Variants in SYT16 observed in about 807,000 individuals in gnomAD.
SYT16 encodes the protein synaptotagmin-16.
A neutral mutation model predicts 61.4 loss-of-function variants in SYT16; 42 were observed. That is an observed-to-expected ratio of 0.68 (90% CI 0.53 to 0.89). The LOEUF is 0.89. Among genes scored for constraint, SYT16 ranks in the 40% least tolerant of loss-of-function variants. The pLI is 0.00. For missense variants in SYT16, 804 were observed against 807.3 expected, an observed-to-expected ratio of 1.00 and a Z score of 0.05; for synonymous variants, 314 against 302.3, an observed-to-expected ratio of 1.04 and a Z score of -0.40.
At chr14:62,033,936 GGA>G (rs1555373461) in intron 3 of SYT16, among the ~76,000 whole-genome samples, 6 of 151,776 alleles carry the variant, frequency 4.0e-5, no homozygotes, top group Non-Finnish European at 8.8e-5. Flanking sequence ...AAAGAATGAG[GGA>G]AAGCACTTGC....
chr14:61,857,155 G>A (rs1481123736), intron 1 of SYT16, among the ~76,000 whole-genome samples: 1 of 152,200 alleles, frequency 6.6e-6, no homozygotes, highest in South Asian at 2.1e-4. Flanking sequence ...TGTGGGGTCA[G>A]CTCCACTGAG....
intron 1 of SYT16, among the ~76,000 whole-genome samples, chr14:61,845,594 G>C (rs2046423818): frequency 6.6e-6 from 1 of 151,934 alleles, no homozygotes; most frequent in Admixed American, 6.6e-5. Context: ...TTTTTTCTTA[G>C]TCTGGCTAAA....
chr14:61,961,469 G>A (rs1372517899), intron 1 of SYT16, among the ~76,000 whole-genome samples: 3 of 152,118 alleles, frequency 2.0e-5, no homozygotes, highest in African/African-American at 7.2e-5. Flanking sequence ...TACATGAACA[G>A]ACACTTTTCA....
At chr14:62,026,614 A>G (rs989022698) in intron 3 of SYT16, among the ~76,000 whole-genome samples, 1 of 152,226 alleles carries the variant, frequency 6.6e-6, no homozygotes, top group African/African-American at 2.4e-5. Flanking sequence ...AAGGAGACAC[A>G]GTCAAACCAT....
chr14:62,056,046 C>A (rs1165149901), intron 3 of SYT16, among the ~76,000 whole-genome samples: 1 of 150,766 alleles, frequency 6.6e-6, no homozygotes, highest in Non-Finnish European at 1.5e-5. Flanking sequence ...TTTCCACGTT[C>A]TTCTCCCTGC....
At chr14:62,075,612 A>C (rs1267934641) in intron 5 of SYT16, among the ~76,000 whole-genome samples, 1 of 114,348 alleles carries the variant, frequency 8.7e-6, no homozygotes, top group Non-Finnish European at 1.8e-5. Context: ...GGTAAAAAAA[A>C]AAAAAAAGAA....
At chr14:61,871,815 C>T (rs529768349) in intron 1 of SYT16, among the ~76,000 whole-genome samples, 29 of 152,148 alleles carry the variant, frequency 1.9e-4, no homozygotes, top group African/African-American at 6.5e-4. Flanking sequence ...AAAGTGTTGT[C>T]ATAGCACATT....
At position 61,816,884 on chromosome 14, in the gene SYT16, G is replaced by A. The variant is rs217662; in HGVS notation, c.-325+4074G>A. ...AAATTAGCCGGGCGTGGTGGCGGGC[G>A]CTTGTAGTCCCATCTACTCGGGAGG... On this transcript the variant is annotated intron_variant, in intron 1 of 7. Coordinates refer to ENST00000683842, the MANE Select transcript of SYT16 (RefSeq NM_001367656.1). Among the ~76,000 whole-genome samples the A allele has an allele frequency of 4.0e-3, 610 of 151,858 alleles. 2 individuals carry two copies. The highest frequency in any genetic ancestry group is 0.014 in the African/African-American group (580 of 41,410).
At chr14:61,849,129 G>A (rs2046532760) in intron 1 of SYT16, among the ~76,000 whole-genome samples, 2 of 152,150 alleles carry the variant, frequency 1.3e-5, no homozygotes, top group Admixed American at 1.3e-4. Context: ...CTAGAATGGG[G>A]GGCCTCCGGA....
At chr14:62,091,132 G>A (rs938714199) in intron 7 of SYT16, among the ~76,000 whole-genome samples, 2 of 152,056 alleles carry the variant, frequency 1.3e-5, no homozygotes, top group Non-Finnish European at 2.9e-5. Context: ...AAAAAACCCA[G>A]TTACCTATAG....
rs545967372 is a variant in SYT16 at position 61,961,525 on chromosome 14, T to A, written c.-324-8607T>A. ...CAAGTAAGTGAAAAAATGCTCAATG[T>A]CACTAATCATTATATAAATGCAAAT... On this transcript the variant is annotated intron_variant, in intron 1 of 7. Transcript: ENST00000683842. Among the ~76,000 whole-genome samples the A allele has an allele frequency of 2.0e-5, 3 of 152,306 alleles. No individual in the cohort carries two copies. The South Asian group carries it at 6.2e-4, about 32-fold the overall frequency.
intron 3 of SYT16, among the ~76,000 whole-genome samples, chr14:62,002,151 A>G (rs2053043399): frequency 6.6e-6 from 1 of 152,106 alleles, no homozygotes; most frequent in Admixed American, 6.6e-5. Flanking sequence ...CTGAAAATAG[A>G]ACATTATATG....
chr14:61,968,211 G>C (rs2051397141), intron 1 of SYT16, among the ~76,000 whole-genome samples: 1 of 152,104 alleles, frequency 6.6e-6, no homozygotes, highest in South Asian at 2.1e-4. Flanking sequence ...CAGTGAGCCA[G>C]GATCGCGCCA....
chr14:62,053,447 G>T (rs1415321435), intron 3 of SYT16, among the ~76,000 whole-genome samples: 1 of 152,156 alleles, frequency 6.6e-6, no homozygotes, highest in Non-Finnish European at 1.5e-5. Context: ...TGGGTTTCCA[G>T]CATGCTGACT....
chr14:61,893,992 A>T lies in SYT16; in HGVS notation c.-324-76140A>T, dbSNP rs554584652. On this transcript the variant is annotated intron_variant, in intron 1 of 7. Coordinates refer to ENST00000683842, the MANE Select transcript of SYT16 (RefSeq NM_001367656.1). ...CTCAGTTCTACCCCACAGCTCAGGAAAAAAAGGCCTGGCTGGCATGGTGGC... is the reference window on the plus strand; with the variant it reads ...CTCAGTTCTACCCCACAGCTCAGGATAAAAAGGCCTGGCTGGCATGGTGGC... Among the ~76,000 whole-genome samples the T allele has an allele frequency of 4.6e-5, 7 of 152,300 alleles. No individual in the cohort carries two copies. The South Asian group carries it at 1.5e-3, about 32-fold the overall frequency.
chr14:61,995,389 TATAAAATCCTATTTTAAG>T (rs2052723672), intron 2 of SYT16, among the ~76,000 whole-genome samples: 2 of 152,240 alleles, frequency 1.3e-5, no homozygotes. Flanking sequence ...TGCATAAAAA[TATAAAATCCTATTTTAAG>T]ATTTGTTTAA....
intron 1 of SYT16, among the ~76,000 whole-genome samples, chr14:61,925,005 T>G (rs2049478633): frequency 6.6e-6 from 1 of 152,222 alleles, no homozygotes; most frequent in Non-Finnish European, 1.5e-5. Context: ...AACGTACACT[T>G]GCATCTCATT....
intron 1 of SYT16, among the ~76,000 whole-genome samples, chr14:61,871,922 G>C (rs548078727): frequency 2.6e-5 from 4 of 152,050 alleles, no homozygotes; most frequent in South Asian, 2.1e-4. Context: ...TATTATCACT[G>C]TTCCATTTTT....
chr14:62,011,254 T>C (rs2053437922), intron 3 of SYT16, among the ~76,000 whole-genome samples: 1 of 152,096 alleles, frequency 6.6e-6, no homozygotes, highest in Non-Finnish European at 1.5e-5. Context: ...GGACCCAGTT[T>C]CTCCCCTTCA....
Sources: gnomAD v4.1 joint callset for allele counts (sites outside exome capture counted in the v4.1 genomes callset) on GRCh38, gnomAD v4.1.1 for gene constraint, MANE v1.5 for transcripts, NCBI Gene and HGNC (gene_info 2026-07-23, HGNC 2026-07-21) for gene names.